Variants in TPD52L1 observed in about 807,000 individuals in gnomAD.
The protein encoded by TPD52L1 is TPD52 like 1, also known as tumor protein D53.
A neutral mutation model predicts 28.7 loss-of-function variants in TPD52L1; 18 were observed. That is an observed-to-expected ratio of 0.63 (90% CI 0.43 to 0.93). The LOEUF is 0.93. TPD52L1 is among the 40% of genes least tolerant of loss of function. The pLI is 0.00. For synonymous variants in TPD52L1, 75 were observed against 88.8 expected (o/e 0.84, Z 0.88); for missense variants, 203 against 254.8 (o/e 0.80, Z 1.39).
chr6:125,194,965 C>G (rs1409042949), intron 1 of TPD52L1, among the ~76,000 whole-genome samples: 2 of 152,146 alleles, frequency 1.3e-5, no homozygotes, highest in African/African-American at 4.8e-5. Context: ...AGTCAGTGTT[C>G]TGAAGTAGGG....
chr6:125,221,305 G>C (rs747736776), intron 2 of TPD52L1, among the ~76,000 whole-genome samples: 13 of 152,170 alleles, frequency 8.5e-5, no homozygotes, highest in Non-Finnish European at 1.9e-4. Context: ...GCACGTACCA[G>C]AGTGCACAGA....
intron 1 of TPD52L1, among the ~76,000 whole-genome samples, chr6:125,172,525 TATATATATATATATATATATATATATA>T (rs1791499893): frequency 1.4e-5 from 1 of 71,198 alleles, no homozygotes; most frequent in African/African-American, 7.6e-5. Context: ...TATATATATA[TATATATATATATATATATATATATATA>T]ATATATATAC....
rs1227629722 is a variant in TPD52L1 at position 125,263,116 on chromosome 6, C to T, written c.*154C>T. 1.1e-6 allele frequency: 1 copy of T among 893,384 alleles called. No individual in the cohort carries two copies. The highest frequency in any genetic ancestry group is 1.6e-6 in the Non-Finnish European group (1 of 611,660). The allele number at this position is 893,384 out of a possible 1,614,324, so 55.3% of individuals were successfully genotyped here. On this transcript the variant is annotated 3_prime_UTR_variant, in exon 7 of 7. Coordinates refer to ENST00000534000, the MANE Select transcript of TPD52L1 (RefSeq NM_003287.4). Reference sequence around the variant, plus strand: ...GCCCCTCCAGAAAGTTTAATGATTTCCATTTGTATTTGTGTTGATGATGGA... The same window carrying T: ...GCCCCTCCAGAAAGTTTAATGATTTTCATTTGTATTTGTGTTGATGATGGA...
chr6:125,237,245 T>C (rs1796318988), intron 3 of TPD52L1, among the ~76,000 whole-genome samples: 1 of 152,108 alleles, frequency 6.6e-6, no homozygotes, highest in East Asian at 1.9e-4. Context: ...AATGGGTCCC[T>C]CTGGCTGCGG....
At chr6:125,171,288 A>G (rs368501880) in intron 1 of TPD52L1, among the ~76,000 whole-genome samples, 1 of 152,158 alleles carries the variant, frequency 6.6e-6, no homozygotes. Flanking sequence ...ATCCACATAC[A>G]TGTGCATAAG....
chr6:125,228,003 T>C (rs1768265076), intron 2 of TPD52L1, among the ~76,000 whole-genome samples: 1 of 152,210 alleles, frequency 6.6e-6, no homozygotes, highest in Admixed American at 6.5e-5. Context: ...CACTTTGGCA[T>C]ATTCATTCAA....
chr6:125,251,012 A>T (rs1256719737), intron 4 of TPD52L1, among the ~76,000 whole-genome samples: 4 of 152,226 alleles, frequency 2.6e-5, no homozygotes, highest in Admixed American at 6.5e-5. Context: ...TATAAATGAG[A>T]ATAACTCTTT....
intron 6 of TPD52L1, among the ~76,000 whole-genome samples, chr6:125,260,673 T>C (rs1797860846): frequency 6.6e-6 from 1 of 151,584 alleles, no homozygotes; most frequent in African/African-American, 2.4e-5. Context: ...GGCATAATGG[T>C]GGGTGCCTGT....
intron 6 of TPD52L1, among the ~76,000 whole-genome samples, chr6:125,258,827 ATGCTTG>A (rs1797750969): frequency 6.6e-6 from 1 of 152,066 alleles, no homozygotes; most frequent in Admixed American, 6.6e-5. Flanking sequence ...AAGTGATTCT[ATGCTTG>A]TATGACTGTT....
chr6:125,215,125 T>A (rs1006559496), intron 1 of TPD52L1, among the ~76,000 whole-genome samples: 2 of 152,080 alleles, frequency 1.3e-5, no homozygotes, highest in South Asian at 2.1e-4. Flanking sequence ...CACTGAAAAA[T>A]TTTTTTTAAC....
At chr6:125,154,579 G>A in intron 1 of TPD52L1, 45 of 975,144 alleles carry the variant, frequency 4.6e-5, no homozygotes, top group Non-Finnish European at 5.5e-5. Flanking sequence ...GCCTCCCGTG[G>A]CGCGCGGGGC....
At chr6:125,214,583 C>T (rs1471036237) in intron 1 of TPD52L1, 1 of 297,820 alleles carries the variant, frequency 3.4e-6, no homozygotes, top group African/African-American at 2.3e-5. Flanking sequence ...TCAAAAAAAA[C>T]TTTTTTCTGC....
intron 6 of TPD52L1, chr6:125,262,486 C>T (rs1249343627): frequency 6.1e-6 from 1 of 164,850 alleles, no homozygotes; most frequent in Non-Finnish European, 1.3e-5. Context: ...AATAAAAAAT[C>T]TAATTCCATT....
chr6:125,182,920 G>A (rs543471155), intron 1 of TPD52L1, among the ~76,000 whole-genome samples: 2 of 152,290 alleles, frequency 1.3e-5, no homozygotes, highest in South Asian at 4.1e-4. Context: ...TGGGGATTAC[G>A]AATGCAAGGA....
At chr6:125,221,924 G>T (rs1795257467) in intron 2 of TPD52L1, 1 of 152,208 alleles carries the variant, frequency 6.6e-6, no homozygotes, top group South Asian at 2.1e-4. Flanking sequence ...AGTACCGCAT[G>T]CTGCCAAAGG....
chr6:125,182,234 C>G (rs956862376), intron 1 of TPD52L1, among the ~76,000 whole-genome samples: 8 of 152,214 alleles, frequency 5.3e-5, no homozygotes, highest in African/African-American at 1.7e-4. Context: ...TGTGCTTTCT[C>G]TAGGGCAGAT....
intron 1 of TPD52L1, among the ~76,000 whole-genome samples, chr6:125,205,288 T>C (rs1176331527): frequency 6.6e-6 from 1 of 152,224 alleles, no homozygotes; most frequent in Admixed American, 6.5e-5. Context: ...AAAGGCCGGC[T>C]GATCTTATGT....
chr6:125,163,348 A>G (rs1234630100), intron 1 of TPD52L1, among the ~76,000 whole-genome samples: 1 of 152,174 alleles, frequency 6.6e-6, no homozygotes, highest in African/African-American at 2.4e-5. Flanking sequence ...TTGGGAGGCC[A>G]AGACGGGAGG....
At chr6:125,183,861 C>G (rs774323699) in intron 1 of TPD52L1, among the ~76,000 whole-genome samples, 1 of 151,952 alleles carries the variant, frequency 6.6e-6, no homozygotes, top group African/African-American at 2.4e-5. Flanking sequence ...GGAATGTATA[C>G]GATATGAGCT....
Sources: allele counts gnomAD v4.1 joint callset (sites outside exome capture counted in the v4.1 genomes callset), GRCh38; gene constraint gnomAD v4.1.1; transcripts MANE v1.5; gene names NCBI Gene and HGNC (gene_info 2026-07-23, HGNC 2026-07-21).